Variants in SOX1 observed in about 807,000 individuals in gnomAD.
The protein encoded by SOX1 is transcription factor SOX-1.
In SOX1, 1 loss-of-function variant was observed where a neutral mutation model predicts 0.9. The observed-to-expected ratio is 1.07, with a 90% CI of 0.38 to 5.06. SOX1 has a LOEUF of 5.06. Ranked by LOEUF, SOX1 falls within the 30% of genes most tolerant of loss-of-function variation. The pLI is 0.16. For synonymous variants in SOX1, 397 were observed against 265.5 expected, an observed-to-expected ratio of 1.50 and a Z score of -4.81; for missense variants, 564 against 534.4, an observed-to-expected ratio of 1.06 and a Z score of -0.55.
rs1880807889 is a variant in SOX1 at position 112,068,835 on chromosome 13, C to A, written c.*1C>A. ...CACGGTGCCCCTGACGCACATCTAGCGCCTTCGGGACGCCGGGGACTCTGC... is the reference window on the plus strand; with the variant it reads ...CACGGTGCCCCTGACGCACATCTAGAGCCTTCGGGACGCCGGGGACTCTGC... On this transcript the variant is annotated 3_prime_UTR_variant, in exon 1 of 1. Transcript: ENST00000330949. The surrounding 1 kb of genome is among the most constrained non-coding windows in gnomAD (Gnocchi z 6.9). 3.3e-6 allele frequency: 4 copies of A among 1,218,138 alleles called. No individual in the cohort carries two copies. The highest frequency in any genetic ancestry group is 7.8e-5 in the South Asian group (2 of 25,492). 75.5% of individuals were successfully genotyped at this position (1,218,138 alleles called of 1,614,324 possible). A position where few individuals can be genotyped will look rare whatever the true frequency, so the allele number is the denominator to read the frequency against.
In SOX1 at chr13:112,068,318, C is replaced by T; in HGVS notation, c.660C>T (p.Gly220=). 33 of 1,077,032 alleles carry T rather than the reference C, an allele frequency of 3.1e-5. No homozygotes were observed. The highest frequency in any genetic ancestry group is 3.4e-5 in the Non-Finnish European group (30 of 887,026). The allele number at this position is 1,077,032 out of a possible 1,614,324, so 66.7% of individuals were successfully genotyped here. ...QLAYGQHPGA[G]GAHPHAHPAH... is the part of the protein sequence containing the mutation. ...CCTACGGGCAGCACCCGGGCGCGGG[C>T]GGCGCGCACCCGCACGCGCACCCCG... The change falls in exon 1 of 1, where the codon GGC becomes GGT. Residue 220 remains glycine, a synonymous_variant. Transcript: ENST00000330949. The surrounding 1 kb of genome is among the most constrained non-coding windows in gnomAD (Gnocchi z 6.9).
Position 112,070,600 on chromosome 13 carries a change from A to T in SOX1, c.*1766A>T, listed in dbSNP as rs1466544904. 1 of 166,950 alleles carries T rather than the reference A, an allele frequency of 6.0e-6. No individual in the cohort carries two copies. Among genetic ancestry groups the T allele is most frequent in the African/African-American group, 2.4e-5 (1 of 41,416 alleles). 10.3% of individuals were successfully genotyped at this position (166,950 alleles called of 1,614,324 possible). A position where few individuals can be genotyped will look rare whatever the true frequency, so the allele number is the denominator to read the frequency against. ...GAAATACGTTTATTTCAGCAGCCTT[A>T]GGTTTCCCCTCGCTTTCTCAACACC... On this transcript the variant is annotated 3_prime_UTR_variant, in exon 1 of 1. Transcript: ENST00000330949.
rs772260690 is a variant in SOX1, at chr13:112,067,680, A to G, written c.22A>G (p.Thr8Ala). The change falls in exon 1 of 1, where the codon ACC becomes GCC. Residue 8 changes from threonine (T) to alanine (A), a missense_variant. By Grantham distance (58) the Thr-to-Ala change is moderately conservative. Transcript: ENST00000330949. This position sits in a 1 kb window ranked among gnomAD's most constrained non-coding sequence, Gnocchi z 5.1. ...CCCGATGTACAGCATGATGATGGAG[A>G]CCGACCTGCACTCGCCCGGCGGCGC... MYSMMME[T>A]DLHSPGGAQA... The G allele has an allele frequency of 1.6e-6, 2 of 1,277,218 alleles. No individual in the cohort carries two copies. Among genetic ancestry groups the G allele is most frequent in the East Asian group, 6.0e-5 (2 of 33,150 alleles). The allele number at this position is 1,277,218 out of a possible 1,614,324, so 79.1% of individuals were successfully genotyped here.
rs747418130 is a variant in SOX1, at chr13:112,067,756, G to A, written c.98G>A (p.Gly33Asp). ...CCCGCCGGGGCGGGCGGCGGCGGGG[G>A]CGGAGGCGGGGGCGGCGGCGGCGGC... ...SGPAGAGGGG[G>D]GGGGGGGGGG... is the part of the protein sequence containing the mutation. The change falls in exon 1 of 1, where the codon GGC becomes GAC. Residue 33 changes from glycine to aspartate, a missense_variant. Physicochemically the swap from Gly to Asp is moderately conservative, Grantham distance 94 (BLOSUM62 -1). Transcript: ENST00000330949. This position sits in a 1 kb window ranked among gnomAD's most constrained non-coding sequence, Gnocchi z 5.1. 12 of 1,243,996 alleles carry A rather than the reference G, an allele frequency of 9.6e-6. No homozygotes were observed. The highest frequency in any genetic ancestry group is 1.1e-5 in the Non-Finnish European group (11 of 988,272). 77.1% of individuals were successfully genotyped at this position (1,243,996 alleles called of 1,614,324 possible). A position where few individuals can be genotyped will look rare whatever the true frequency, so the allele number is the denominator to read the frequency against.
chr13:112,068,816 G>T lies in SOX1; in HGVS notation c.1158G>T (p.Val386=). ...QGAGAGVNGT[V]PLTHI ...CGGGCGCGGGCGTGAACGGCACGGTGCCCCTGACGCACATCTAGCGCCTTC... is the reference window on the plus strand; with the variant it reads ...CGGGCGCGGGCGTGAACGGCACGGTTCCCCTGACGCACATCTAGCGCCTTC... Residue 386 remains valine, a synonymous_variant, in exon 1 of 1, where the codon GTG becomes GTT. Transcript: ENST00000330949. This position sits in a 1 kb window ranked among gnomAD's most constrained non-coding sequence, Gnocchi z 6.9. 8.2e-7 allele frequency: 1 copy of T among 1,226,226 alleles called. No homozygotes were observed. Among genetic ancestry groups the T allele is most frequent in the Non-Finnish European group, 1.0e-6 (1 of 979,722 alleles). 76.0% of individuals were successfully genotyped at this position (1,226,226 alleles called of 1,614,324 possible). A position where few individuals can be genotyped will look rare whatever the true frequency, so the allele number is the denominator to read the frequency against.
At position 112,068,571 on chromosome 13, in the gene SOX1, G is replaced by GCCGCGTCGT; in HGVS notation, c.915_923dup (p.Ala306_Ser308dup). ...CGTGGCGGCGGCGGCGGCGGCGGCG[G>GCCGCGTCGT]CCGCGTCGTCGGGCGCCCTGGGCGC... On this transcript the variant is annotated inframe_insertion, in exon 1 of 1. Coordinates refer to ENST00000330949, the MANE Select transcript of SOX1 (RefSeq NM_005986.3). The surrounding 1 kb of genome is among the most constrained non-coding windows in gnomAD (Gnocchi z 6.9). 1 of 1,064,320 alleles carries GCCGCGTCGT rather than the reference G, an allele frequency of 9.4e-7. No homozygotes were observed. The highest frequency in any genetic ancestry group is 1.7e-5 in the African/African-American group (1 of 58,498). The allele number at this position is 1,064,320 out of a possible 1,614,324, so 65.9% of individuals were successfully genotyped here.
In SOX1 at chr13:112,068,114, TGTGGCCATGGGCGTGGGCGTGGGC is replaced by T. The variant is rs1880773664; in HGVS notation, c.461_484del (p.Ala154_Val161del). 1 of 1,437,968 alleles carries T rather than the reference TGTGGCCATGGGCGTGGGCGTGGGC, an allele frequency of 7.0e-7. No individual in the cohort carries two copies. Among genetic ancestry groups the T allele is most frequent in the African/African-American group, 1.5e-5 (1 of 66,170 alleles). 89.1% of individuals were successfully genotyped at this position (1,437,968 alleles called of 1,614,324 possible). ...CCGGCGCGGGTGGCGGCGGCGCGGC[TGTGGCCATGGGCGTGGGCGTGGGC>T]GTGGGCGCGGCGGCCGTGGGCCAGC... On this transcript the variant is annotated inframe_deletion, in exon 1 of 1. Transcript: ENST00000330949. This position sits in a 1 kb window ranked among gnomAD's most constrained non-coding sequence, Gnocchi z 6.9.
In SOX1 at chr13:112,068,132, C is replaced by T; in HGVS notation, c.474C>T (p.Gly158=). The T allele has an allele frequency of 3.6e-6, 4 of 1,111,934 alleles. No homozygotes were observed. Among genetic ancestry groups the T allele is most frequent in the Non-Finnish European group, 4.4e-6 (4 of 904,046 alleles). The allele number at this position is 1,111,934 out of a possible 1,614,324, so 68.9% of individuals were successfully genotyped here. A position where few individuals can be genotyped will look rare whatever the true frequency, so the allele number is the denominator to read the frequency against. The change falls in exon 1 of 1, where the codon GGC becomes GGT. Residue 158 remains glycine, a synonymous_variant. Transcript: ENST00000330949. The surrounding 1 kb of genome is among the most constrained non-coding windows in gnomAD (Gnocchi z 6.9). The stretch of plus-strand genomic sequence containing the variant: ...GCGCGGCTGTGGCCATGGGCGTGGG[C>T]GTGGGCGTGGGCGCGGCGGCCGTGG... ...GGGAAVAMGV[G]VGVGAAAVGQ...
rs1170032475 is a variant in SOX1 at position 112,070,903 on chromosome 13, T to C, written c.*2069T>C. Among the ~76,000 whole-genome samples the C allele has an allele frequency of 1.3e-5, 2 of 150,266 alleles. No individual in the cohort carries two copies. The highest frequency in any genetic ancestry group is 4.0e-4 in the East Asian group (2 of 5,050). ...TCTTTATTTTTATTTCTTTTAGCTA[T>C]TTGATCCTTTCTGAAGCAGTTGTTT... On this transcript the variant is annotated 3_prime_UTR_variant, in exon 1 of 1. Coordinates refer to ENST00000330949, the MANE Select transcript of SOX1 (RefSeq NM_005986.3).
rs1880822415 is a variant in SOX1 at position 112,069,292 on chromosome 13, C to A, written c.*458C>A. On this transcript the variant is annotated 3_prime_UTR_variant, in exon 1 of 1. Transcript: ENST00000330949. Reference sequence around the variant, plus strand: ...CGCATTTGTTATAAATGTAGTAAGGCAGGTCCAAGCACTTACAAGTTTTTT... The same window carrying A: ...CGCATTTGTTATAAATGTAGTAAGGAAGGTCCAAGCACTTACAAGTTTTTT... The A allele has an allele frequency of 6.0e-6, 1 of 167,170 alleles. No individual in the cohort carries two copies. Among genetic ancestry groups the A allele is most frequent in the Admixed American group, 6.5e-5 (1 of 15,302 alleles). 10.4% of individuals were successfully genotyped at this position (167,170 alleles called of 1,614,324 possible).
At position 112,069,493 on chromosome 13, in the gene SOX1, A is replaced by C. The variant is rs2138618459; in HGVS notation, c.*659A>C. ...TATTTCTTGTAAATGCATTGTGAAAAATTTTATTTTCGGCGTTGCAATGCG... is the reference window on the plus strand; with the variant it reads ...TATTTCTTGTAAATGCATTGTGAAACATTTTATTTTCGGCGTTGCAATGCG... On this transcript the variant is annotated 3_prime_UTR_variant, in exon 1 of 1. Transcript: ENST00000330949. The C allele has an allele frequency of 6.0e-6, 1 of 167,012 alleles. No homozygotes were observed. Among genetic ancestry groups the C allele is most frequent in the African/African-American group, 2.4e-5 (1 of 41,474 alleles). The allele number at this position is 167,012 out of a possible 1,614,324, so 10.3% of individuals were successfully genotyped here.
At position 112,068,485 on chromosome 13, in the gene SOX1, TC is replaced by T; in HGVS notation, c.831del (p.Tyr278ThrfsTer41). 1 of 1,055,054 alleles carries T rather than the reference TC, an allele frequency of 9.5e-7. No homozygotes were observed. Among genetic ancestry groups the T allele is most frequent in the South Asian group, 2.7e-5 (1 of 37,110 alleles). The allele number at this position is 1,055,054 out of a possible 1,614,324, so 65.4% of individuals were successfully genotyped here. Reference sequence around the variant, plus strand: ...GCGTCGCCCTCGGGCTACGGCGGCCTCCCCTACGGCGCCGCGGCCGCCGCCG... The same window carrying T: ...GCGTCGCCCTCGGGCTACGGCGGCCTCCCTACGGCGCCGCGGCCGCCGCCG... ...MSASPSGYGGLPYGAAAAAAA... is the reference protein window; with the variant it reads ...MSASPSGYGGXPYGAAAAAAA... On this transcript the variant is annotated frameshift_variant, in exon 1 of 1. Coordinates refer to ENST00000330949, the MANE Select transcript of SOX1 (RefSeq NM_005986.3). LOFTEE classifies it low-confidence loss of function (END_TRUNC). The surrounding 1 kb of genome is among the most constrained non-coding windows in gnomAD (Gnocchi z 6.9).
In SOX1 at chr13:112,067,580, T is replaced by A. The variant is rs1594123065; in HGVS notation, c.-79T>A. On this transcript the variant is annotated 5_prime_UTR_variant, in exon 1 of 1. Coordinates refer to ENST00000330949, the MANE Select transcript of SOX1 (RefSeq NM_005986.3). This position sits in a 1 kb window ranked among gnomAD's most constrained non-coding sequence, Gnocchi z 5.1. ...CCCCGTCTCACTCCGTCTGAATTCCTCTCCGTCTCCCTCCCACCCCGGCCG... is the reference window on the plus strand; with the variant it reads ...CCCCGTCTCACTCCGTCTGAATTCCACTCCGTCTCCCTCCCACCCCGGCCG... 1 of 704,036 alleles carries A rather than the reference T, an allele frequency of 1.4e-6. No homozygotes were observed. The highest frequency in any genetic ancestry group is 1.8e-6 in the Non-Finnish European group (1 of 550,140). 43.6% of individuals were successfully genotyped at this position (704,036 alleles called of 1,614,324 possible).
Position 112,067,498 on chromosome 13 carries a change from T to C in SOX1, c.-161T>C. On this transcript the variant is annotated 5_prime_UTR_variant, in exon 1 of 1. Coordinates refer to ENST00000330949, the MANE Select transcript of SOX1 (RefSeq NM_005986.3). This position sits in a 1 kb window ranked among gnomAD's most constrained non-coding sequence, Gnocchi z 5.1. ...GCCGAGTGCGTGTGTTTCTGCCTTT[T>C]TTTGTTGTCGTTGCCTCCACCCCTC... 3.3e-6 allele frequency: 1 copy of C among 299,560 alleles called. No homozygotes were observed. Among genetic ancestry groups the C allele is most frequent in the Non-Finnish European group, 5.6e-6 (1 of 179,112 alleles). 18.6% of individuals were successfully genotyped at this position (299,560 alleles called of 1,614,324 possible).
rs1200144802 is a variant in SOX1, at chr13:112,069,603, C to G, written c.*769C>G. Reference sequence around the variant, plus strand: ...AAAAGACCCCCCACCCAAAATGTTTCGAGTCAACAAATTTAAGAGACAGAG... The same window carrying G: ...AAAAGACCCCCCACCCAAAATGTTTGGAGTCAACAAATTTAAGAGACAGAG... On this transcript the variant is annotated 3_prime_UTR_variant, in exon 1 of 1. Coordinates refer to ENST00000330949, the MANE Select transcript of SOX1 (RefSeq NM_005986.3). The G allele has an allele frequency of 6.0e-6, 1 of 166,950 alleles. No homozygotes were observed. The highest frequency in any genetic ancestry group is 1.5e-5 in the Non-Finnish European group (1 of 68,102). The allele number at this position is 166,950 out of a possible 1,614,324, so 10.3% of individuals were successfully genotyped here.
In SOX1 at chr13:112,068,033, G is replaced by A. The variant is rs778277990; in HGVS notation, c.375G>A (p.Lys125=). Residue 125 remains lysine, a synonymous_variant, in exon 1 of 1, where the codon AAG becomes AAA. Coordinates refer to ENST00000330949, the MANE Select transcript of SOX1 (RefSeq NM_005986.3). The surrounding 1 kb of genome is among the most constrained non-coding windows in gnomAD (Gnocchi z 6.9). ...HPDYKYRPRR[K]TKTLLKKDKY... is the part of the protein sequence containing the mutation. Reference sequence around the variant, plus strand: ...ATTACAAGTACCGGCCGCGCCGCAAGACCAAGACGCTGCTCAAGAAGGACA... The same window carrying A: ...ATTACAAGTACCGGCCGCGCCGCAAAACCAAGACGCTGCTCAAGAAGGACA... 7 of 1,604,010 alleles carry A rather than the reference G, an allele frequency of 4.4e-6. No individual in the cohort carries two copies. Among genetic ancestry groups the A allele is most frequent in the Non-Finnish European group, 6.0e-6 (7 of 1,175,364 alleles).
In SOX1 at chr13:112,068,474, C is replaced by A. The variant is rs747612438; in HGVS notation, c.816C>A (p.Gly272=). ...GCTACATGAGCGCGTCGCCCTCGGG[C>A]TACGGCGGCCTCCCCTACGGCGCCG... ...SQGYMSASPS[G]YGGLPYGAAA... Residue 272 remains glycine, a synonymous_variant, in exon 1 of 1, where the codon GGC becomes GGA. Coordinates refer to ENST00000330949, the MANE Select transcript of SOX1 (RefSeq NM_005986.3). This position sits in a 1 kb window ranked among gnomAD's most constrained non-coding sequence, Gnocchi z 6.9. The A allele has an allele frequency of 6.4e-4, 729 of 1,146,562 alleles. 1 individual carries two copies. Among genetic ancestry groups the A allele is most frequent in the Non-Finnish European group, 7.6e-4 (702 of 922,426 alleles). The allele number at this position is 1,146,562 out of a possible 1,614,324, so 71.0% of individuals were successfully genotyped here. A position where few individuals can be genotyped will look rare whatever the true frequency, so the allele number is the denominator to read the frequency against.
rs1336532358 is a variant in SOX1, at chr13:112,067,482, G to A, written c.-177G>A. Reference sequence around the variant, plus strand: ...TGCGAGCCGAACCGGCGCCGAGTGCGTGTGTTTCTGCCTTTTTTTGTTGTC... The same window carrying A: ...TGCGAGCCGAACCGGCGCCGAGTGCATGTGTTTCTGCCTTTTTTTGTTGTC... On this transcript the variant is annotated 5_prime_UTR_variant, in exon 1 of 1. In the 5' UTR this introduces an upstream ATG that the reference lacks. Transcript: ENST00000330949. The surrounding 1 kb of genome is among the most constrained non-coding windows in gnomAD (Gnocchi z 5.1). Among the ~76,000 whole-genome samples the A allele has an allele frequency of 2.0e-5, 3 of 152,126 alleles. No individual in the cohort carries two copies. Among genetic ancestry groups the A allele is most frequent in the East Asian group, 1.9e-4 (1 of 5,140 alleles).
At position 112,068,066 on chromosome 13, in the gene SOX1, G is replaced by A; in HGVS notation, c.408G>A (p.Ser136=). The change falls in exon 1 of 1, where the codon TCG becomes TCA. Residue 136 remains serine (S), a synonymous_variant. Transcript: ENST00000330949. This position sits in a 1 kb window ranked among gnomAD's most constrained non-coding sequence, Gnocchi z 6.9. ...TKTLLKKDKY[S]LAGGLLAAGA... The stretch of plus-strand genomic sequence containing the variant: ...CGCTGCTCAAGAAGGACAAGTACTC[G>A]CTGGCCGGCGGGCTCCTGGCGGCCG... The A allele has an allele frequency of 1.3e-6, 2 of 1,577,264 alleles. No homozygotes were observed. The highest frequency in any genetic ancestry group is 1.7e-6 in the Non-Finnish European group (2 of 1,161,846).
Sources: gnomAD v4.1 joint callset for allele counts (sites outside exome capture counted in the v4.1 genomes callset) on GRCh38, gnomAD v4.1.1 for gene constraint, Gnocchi (gnomAD v3.1) non-coding constraint, MANE v1.5 for transcripts, NCBI Gene and HGNC (gene_info 2026-07-23, HGNC 2026-07-21) for gene names.